STXBP4: variants seen among roughly 807,000 people sequenced by gnomAD.
STXBP4 encodes the protein syntaxin binding protein 4, also known as syntaxin-binding protein 4.
In STXBP4, 55 loss-of-function variants were observed where a neutral mutation model predicts 76.1. That is an observed-to-expected ratio of 0.72 (90% CI 0.58 to 0.91). The LOEUF (loss-of-function observed/expected upper bound fraction) is 0.91. Ranked by LOEUF, STXBP4 falls within the 40% of genes least tolerant of loss-of-function variation. The probability of loss-of-function intolerance (pLI) is 0.00; values close to 1 mark genes in which losing one functional copy is unlikely to be tolerated. For synonymous variants in STXBP4, 201 were observed against 220.2 expected (o/e 0.91, Z 0.77); for missense variants, 618 against 636.9 (o/e 0.97, Z 0.32).
chr17:55,050,320 A>C (rs931053234), intron 12 of STXBP4, among the ~76,000 whole-genome samples: 1 of 152,126 alleles, frequency 6.6e-6, no homozygotes, highest in Non-Finnish European at 1.5e-5. Flanking sequence ...ACCTGAACAG[A>C]TAATTCATCA....
chr17:55,108,473 A>G (rs171514), intron 16 of STXBP4, among the ~76,000 whole-genome samples: 56,750 of 151,956 alleles, frequency 0.37, 11,271 homozygotes, highest in East Asian at 0.54. Flanking sequence ...AACTCCTGCA[A>G]CTAGCTCAGT....
chr17:55,182,489 C>T, the STXBP4 span, among the ~76,000 whole-genome samples: 141 of 152,068 alleles, frequency 9.3e-4, no homozygotes, highest in South Asian at 1.5e-3. Context: ...GAAGGGATAA[C>T]GTATAATTTG....
chr17:55,208,134 T>A, the STXBP4 span, among the ~76,000 whole-genome samples: 3 of 151,422 alleles, frequency 2.0e-5, no homozygotes, highest in Non-Finnish European at 2.9e-5. Flanking sequence ...TTTTCACAGA[T>A]GAGGAAACTG....
chr17:55,129,447 G>T (rs2529505), intron 16 of STXBP4, among the ~76,000 whole-genome samples: 3 of 151,960 alleles, frequency 2.0e-5, no homozygotes, highest in African/African-American at 7.2e-5. Context: ...TAAAATTAAG[G>T]TAGGTGCCAT....
intron 16 of STXBP4, among the ~76,000 whole-genome samples, chr17:55,130,589 G>A (rs1439118985): frequency 2.6e-5 from 4 of 151,920 alleles, no homozygotes; most frequent in Non-Finnish European, 4.4e-5. Flanking sequence ...TATTAATGAC[G>A]GTCACCATGC....
intron 8 of STXBP4, among the ~76,000 whole-genome samples, chr17:55,027,901 A>G (rs1371915218): frequency 1.3e-5 from 2 of 152,112 alleles, no homozygotes; most frequent in African/African-American, 2.4e-5. Context: ...TTATTGTCCT[A>G]CTTTAAAACT....
At chr17:55,146,109 T>G (rs1005231183) in intron 17 of STXBP4, among the ~76,000 whole-genome samples, 2 of 152,220 alleles carry the variant, frequency 1.3e-5, no homozygotes, top group Admixed American at 6.5e-5. Flanking sequence ...ATAACAAAAT[T>G]ATTATGAGAG....
In STXBP4 at chr17:54,987,306, GCTT is replaced by G. The variant is rs550821015; in HGVS notation, c.47+1044_47+1046del. On this transcript the variant is annotated intron_variant, in intron 3 of 17. Transcript: ENST00000376352. ...TTTTTATTCTTGGTCCTTTTGTAGTGCTTCTTTTTGGTTAAGCCAATGCATATA... is the reference window on the plus strand; with the variant it reads ...TTTTTATTCTTGGTCCTTTTGTAGTGCTTTTTGGTTAAGCCAATGCATATA... Among the ~76,000 whole-genome samples the G allele has an allele frequency of 1.5e-3, 226 of 152,154 alleles. 2 individuals carry two copies. The highest frequency in any genetic ancestry group is 1.5e-3 in the Non-Finnish European group (101 of 68,002).
chr17:55,150,807 C>T (rs1227391237), intron 17 of STXBP4, among the ~76,000 whole-genome samples: 2 of 152,246 alleles, frequency 1.3e-5, no homozygotes, highest in East Asian at 3.9e-4. Flanking sequence ...TATTCCCCAG[C>T]ACCTGTAAGT....
At chr17:55,066,720 TA>T (rs1321389475) in intron 12 of STXBP4, among the ~76,000 whole-genome samples, 1 of 152,042 alleles carries the variant, frequency 6.6e-6, no homozygotes, top group African/African-American at 2.4e-5. Flanking sequence ...ATAAAAAGAA[TA>T]TAATGCAGCC....
At chr17:55,197,440 C>T in the STXBP4 span, among the ~76,000 whole-genome samples, 1 of 152,228 alleles carries the variant, frequency 6.6e-6, no homozygotes, top group Non-Finnish European at 1.5e-5. Flanking sequence ...TTCCTGATTT[C>T]TTTTAGAAAT....
chr17:55,002,850 A>AT (rs1288285161), intron 7 of STXBP4, among the ~76,000 whole-genome samples: 1 of 152,210 alleles, frequency 6.6e-6, no homozygotes, highest in Non-Finnish European at 1.5e-5. Flanking sequence ...TTATATTGTA[A>AT]TTAGTGCATA....
the STXBP4 span, among the ~76,000 whole-genome samples, chr17:55,211,799 GTTTTTTTTTTTTTTT>G: frequency 2.0e-5 from 1 of 48,980 alleles, no homozygotes; most frequent in African/African-American, 6.1e-5. Flanking sequence ...GTTTTTTGTT[GTTTTTTTTTTTTTTT>G]TTTTTTTTTT....
At position 55,172,067 on chromosome 17, in the gene STXBP4, T is replaced by C. The variant is rs1200612215; in HGVS notation, c.*12156T>C. 6.6e-6 allele frequency: 1 copy of C among 152,262 alleles called. No homozygotes were observed. Among genetic ancestry groups the C allele is most frequent in the African/African-American group, 2.4e-5 (1 of 41,456 alleles). 9.4% of individuals were successfully genotyped at this position (152,262 alleles called of 1,614,324 possible). On this transcript the variant is annotated 3_prime_UTR_variant, in exon 18 of 18. Coordinates refer to ENST00000376352, the MANE Select transcript of STXBP4 (RefSeq NM_178509.6). Reference sequence around the variant, plus strand: ...CTATTGAGATCAGAAGTCCTCTCACTTAGAGGCATATCTAAGACTTTTTTC... The same window carrying C: ...CTATTGAGATCAGAAGTCCTCTCACCTAGAGGCATATCTAAGACTTTTTTC...
chr17:54,972,869 T>C (rs1292493241), intron 1 of STXBP4, among the ~76,000 whole-genome samples: 1 of 152,212 alleles, frequency 6.6e-6, no homozygotes, highest in Non-Finnish European at 1.5e-5. Flanking sequence ...TCCCCCCATA[T>C]GTAAGCAAAT....
In STXBP4 at chr17:55,043,232, A is replaced by G. The variant is rs773212317; in HGVS notation, c.856-4A>G. ...ACTTTTCTCTTATATTTTAATGTTG[A>G]TAGCTTCTTCCTTGTGATTCTTCAG... is the stretch of plus-strand genomic sequence containing the variant. On this transcript the variant is annotated splice_region_variant and splice_polypyrimidine_tract_variant and intron_variant, in intron 10 of 17. Transcript: ENST00000376352. 2.0e-6 allele frequency: 3 copies of G among 1,471,252 alleles called. No individual in the cohort carries two copies. In the Admixed American group the frequency reaches 7.3e-5, roughly 36 times the overall value. The allele number at this position is 1,471,252 out of a possible 1,614,324, so 91.1% of individuals were successfully genotyped here.
the STXBP4 span, among the ~76,000 whole-genome samples, chr17:55,195,747 C>T: frequency 6.6e-6 from 1 of 152,202 alleles, no homozygotes; most frequent in African/African-American, 2.4e-5. Flanking sequence ...ATGCATATCT[C>T]TTCTTTTCTG....
At chr17:55,063,872 A>G (rs1050948182) in intron 12 of STXBP4, among the ~76,000 whole-genome samples, 2 of 152,232 alleles carry the variant, frequency 1.3e-5, no homozygotes, top group Non-Finnish European at 2.9e-5. Flanking sequence ...TATATTTTAA[A>G]CATCTACTTA....
chr17:55,085,168 T>G (rs1177987800), intron 16 of STXBP4, among the ~76,000 whole-genome samples: 2 of 127,316 alleles, frequency 1.6e-5, no homozygotes, highest in Admixed American at 9.2e-5. Context: ...TGAGAACACA[T>G]GGACACAGGA....
Sources: allele counts gnomAD v4.1 joint callset (sites outside exome capture counted in the v4.1 genomes callset), GRCh38; gene constraint gnomAD v4.1.1; transcripts MANE v1.5; gene names NCBI Gene and HGNC (gene_info 2026-07-23, HGNC 2026-07-21).